The following PARP15 variants were observed in gnomAD, a reference collection of about 807,000 sequenced individuals.
PARP15 encodes protein mono-ADP-ribosyltransferase PARP15.
In PARP15, 50 loss-of-function variants were observed where a neutral mutation model predicts 62.1. The observed-to-expected ratio is 0.81, with a 90% confidence interval of 0.64 to 1.02. The LOEUF (loss-of-function observed/expected upper bound fraction) is 1.02, where lower values mean the gene tolerates loss of function less well. Ranked by LOEUF, PARP15 falls within the 50% of genes least tolerant of loss-of-function variation. The pLI is 0.00. For synonymous variants in PARP15, 309 were observed against 293.1 expected, an observed-to-expected ratio of 1.05 and a Z score of -0.55; for missense variants, 820 against 826.5, an observed-to-expected ratio of 0.99 and a Z score of 0.10.
At chr3:122,596,217 G>A (rs1934329981) in intron 1 of PARP15, among the ~76,000 whole-genome samples, 1 of 151,850 alleles carries the variant, frequency 6.6e-6, no homozygotes, top group Admixed American at 6.6e-5. Context: ...TTAGCTGGCC[G>A]TAGTGGCATG....
At chr3:122,619,008 T>C (rs1936167000) in intron 6 of PARP15, among the ~76,000 whole-genome samples, 1 of 152,244 alleles carries the variant, frequency 6.6e-6, no homozygotes, top group Non-Finnish European at 1.5e-5. Context: ...AGAGACATTT[T>C]ATAACACATA....
intron 9 of PARP15, among the ~76,000 whole-genome samples, chr3:122,629,561 T>C (rs1357710841): frequency 6.6e-6 from 1 of 152,186 alleles, no homozygotes; most frequent in Non-Finnish European, 1.5e-5. Context: ...CAGTTTCATA[T>C]AAGACAAATT....
intron 1 of PARP15, among the ~76,000 whole-genome samples, chr3:122,590,495 C>T (rs543109426): frequency 2.2e-4 from 33 of 147,058 alleles, no homozygotes; most frequent in Admixed American, 1.6e-3. Flanking sequence ...AGGATGGTCT[C>T]GATCTCCTGA....
At chr3:122,597,117 G>A (rs184424620) in intron 1 of PARP15, among the ~76,000 whole-genome samples, 100 of 152,274 alleles carry the variant, frequency 6.6e-4, no homozygotes, top group Admixed American at 1.8e-3. Context: ...TCTGATGAGG[G>A]CTTATTTTCT....
At chr3:122,606,264 G>A (rs963609265) in intron 2 of PARP15, among the ~76,000 whole-genome samples, 1 of 152,112 alleles carries the variant, frequency 6.6e-6, no homozygotes, top group Non-Finnish European at 1.5e-5. Context: ...ATGTGGAGGG[G>A]TTCAAGTTTA....
At chr3:122,611,008 A>G (rs1366576801) in intron 3 of PARP15, among the ~76,000 whole-genome samples, 2 of 152,108 alleles carry the variant, frequency 1.3e-5, no homozygotes, top group African/African-American at 4.8e-5. Flanking sequence ...ATTACATTCC[A>G]TGGAGAATTC....
At chr3:122,601,710 G>A (rs1934809858) in intron 1 of PARP15, among the ~76,000 whole-genome samples, 1 of 152,154 alleles carries the variant, frequency 6.6e-6, no homozygotes, top group Admixed American at 6.5e-5. Flanking sequence ...TGGCAGTTAT[G>A]AATAAAGCTT....
intron 1 of PARP15, among the ~76,000 whole-genome samples, chr3:122,598,678 C>T (rs141240020): frequency 6.6e-6 from 1 of 152,172 alleles, no homozygotes; most frequent in African/African-American, 2.4e-5. Flanking sequence ...GGTCACACAG[C>T]CAACTCTGAT....
chr3:122,634,135 T>C (rs1937216718), intron 10 of PARP15, among the ~76,000 whole-genome samples: 1 of 152,224 alleles, frequency 6.6e-6, no homozygotes, highest in Non-Finnish European at 1.5e-5. Flanking sequence ...TCCATTCTTC[T>C]TGAACCTCTC....
Position 122,635,982 on chromosome 3 carries a change from C to T in PARP15, c.1919C>T (p.Pro640Leu), listed in dbSNP as rs759264315. ...AGLVTPPPKN[P>L]HNPTDLFDSV... ...TTAGTCACCCCTCCACCCAAGAATC[C>T]TCACAATCCCACAGATCTCTTTGAC... The change falls in exon 12 of 12, where the codon CCT (proline) becomes CTT (leucine). Residue 640 changes from proline (P) to leucine (L), a missense_variant. Around this residue, in one of 3 missense-constraint regions of PARP15, gnomAD observed 84 missense variants for 79.7 expected, o/e 1.05. Coordinates refer to ENST00000464300, the MANE Select transcript of PARP15 (RefSeq NM_001113523.3). 1.2e-6 allele frequency: 2 copies of T among 1,614,118 alleles called. No homozygotes were observed. Among genetic ancestry groups the T allele is most frequent in the South Asian group, 2.2e-5 (2 of 91,074 alleles).
At chr3:122,582,204 C>G (rs1933006602) in intron 1 of PARP15, among the ~76,000 whole-genome samples, 2 of 151,948 alleles carry the variant, frequency 1.3e-5, no homozygotes, top group South Asian at 4.2e-4. Flanking sequence ...CAAGGTCTCC[C>G]TCTGTCATCC....
At chr3:122,598,732 T>C (rs1373978491) in intron 1 of PARP15, among the ~76,000 whole-genome samples, 4 of 152,086 alleles carry the variant, frequency 2.6e-5, no homozygotes, top group Non-Finnish European at 4.4e-5. Context: ...GACCAGGAAG[T>C]AGGAATTGAG....
intron 9 of PARP15, among the ~76,000 whole-genome samples, chr3:122,630,140 A>G (rs10511413): frequency 0.18 from 26,956 of 152,140 alleles, 2,948 homozygotes; most frequent in Non-Finnish European, 0.25. Flanking sequence ...AAGGGTAGTT[A>G]TCATGCTATT....
chr3:122,624,408 G>A (rs970415657), intron 8 of PARP15, among the ~76,000 whole-genome samples: 1 of 152,168 alleles, frequency 6.6e-6, no homozygotes, highest in Non-Finnish European at 1.5e-5. Context: ...TTTTAACACA[G>A]AAAGTCCCAT....
chr3:122,615,341 A>T (rs1231371864), intron 4 of PARP15: 4 of 1,292,158 alleles, frequency 3.1e-6, no homozygotes, highest in Non-Finnish European at 4.0e-6. Flanking sequence ...GTTGTTAATC[A>T]ACCCCAGAAT....
intron 1 of PARP15, among the ~76,000 whole-genome samples, chr3:122,592,896 C>T (rs1488793986): frequency 6.6e-6 from 1 of 152,176 alleles, no homozygotes; most frequent in Non-Finnish European, 1.5e-5. Flanking sequence ...AATGCTACAG[C>T]AAGAATTCAA....
intron 1 of PARP15, chr3:122,594,386 A>AT: frequency 3.7e-6 from 1 of 270,124 alleles, no homozygotes; most frequent in Non-Finnish European, 5.7e-6. Context: ...GGAGACAAAG[A>AT]TAAATCAGAT....
At chr3:122,619,662 G>A (rs1325351980) in intron 6 of PARP15, 119 bp from the exon 7 acceptor site, 5 of 831,260 alleles carry the variant, frequency 6.0e-6, no homozygotes, top group Admixed American at 5.5e-5. Context: ...GGTCGGGCGT[G>A]GGGGTGGTCA....
At chr3:122,598,719 A>G (rs928629294) in intron 1 of PARP15, among the ~76,000 whole-genome samples, 4 of 152,156 alleles carry the variant, frequency 2.6e-5, no homozygotes, top group African/African-American at 9.7e-5. Flanking sequence ...GCAAAGGCTC[A>G]ATGACCAGGA....
Sources: allele counts gnomAD v4.1 joint callset (sites outside exome capture counted in the v4.1 genomes callset), GRCh38; gene constraint gnomAD v4.1.1; regional missense constraint gnomAD v4.1.1; transcripts MANE v1.5; gene names NCBI Gene and HGNC (gene_info 2026-07-23, HGNC 2026-07-21).